DGKE: variants seen among roughly 807,000 people sequenced by gnomAD.
The protein encoded by DGKE is diacylglycerol kinase epsilon.
A neutral mutation model predicts 70.0 loss-of-function variants in DGKE; 53 were observed. That is an observed-to-expected ratio of 0.76 (90% confidence interval 0.61 to 0.95). The LOEUF is 0.95. Ranked by LOEUF, DGKE falls within the 40% of genes least tolerant of loss-of-function variation. The pLI is 0.00. For missense variants in DGKE, 655 were observed against 706.9 expected (o/e 0.93, Z 0.83); for synonymous variants, 291 against 257.0 (o/e 1.13, Z -1.27).
chr17:56,848,920 C>T (rs1907478634), intron 6 of DGKE, 67 bp downstream of exon 6: 5 of 1,595,874 alleles, frequency 3.1e-6, no homozygotes, highest in Non-Finnish European at 4.3e-6. Context: ...CAAGTGAAGA[C>T]TTGTGTAGAT....
At chr17:56,862,380 C>T (rs1908348677) in intron 11 of DGKE, 129 bp downstream of exon 11, 2 of 928,184 alleles carry the variant, frequency 2.2e-6, no homozygotes, top group African/African-American at 3.3e-5. Context: ...TCACTGTACA[C>T]TAGCGGCTAG....
Position 56,849,284 on chromosome 17 carries a change from T to TA in DGKE, c.1098+53dup, listed in dbSNP as rs752003535. On this transcript the variant is annotated intron_variant, in intron 7 of 11. Coordinates refer to ENST00000284061, the MANE Select transcript of DGKE (RefSeq NM_003647.3). ...GTGGTTTCAGCTTCATTGCACAAGA[T>TA]ACGGCACTCTGTGGTGGGATACAGA... is the stretch of plus-strand genomic sequence containing the variant. The TA allele has an allele frequency of 2.4e-5, 36 of 1,518,034 alleles. No homozygotes were observed. The Admixed American group carries it at 5.5e-4, about 23-fold the overall frequency. The allele number at this position is 1,518,034 out of a possible 1,614,324, so 94.0% of individuals were successfully genotyped here. A position where few individuals can be genotyped will look rare whatever the true frequency, so the allele number is the denominator to read the frequency against.
chr17:56,841,636 C>T (rs946675477), intron 2 of DGKE, among the ~76,000 whole-genome samples: 15 of 152,164 alleles, frequency 9.9e-5, no homozygotes, highest in African/African-American at 3.6e-4. Flanking sequence ...CACTTTCATG[C>T]ACTCGTAACA....
In DGKE at chr17:56,834,879, C is replaced by G. The variant is rs1433783652; in HGVS notation, c.84C>G (p.Cys28Trp). The change falls in exon 2 of 12, where the codon TGC becomes TGG. Residue 28 changes from cysteine (C) to tryptophan (W), a missense_variant. Coordinates refer to ENST00000284061, the MANE Select transcript of DGKE (RefSeq NM_003647.3). ...ADGHLILWTLCSVLLPVFITF... is the reference protein window; with the variant it reads ...ADGHLILWTLWSVLLPVFITF... ...GGCACCTGATCTTGTGGACGCTGTG[C>G]TCGGTCCTGCTGCCGGTGTTCATCA... 6.2e-7 allele frequency: 1 copy of G among 1,613,344 alleles called. No homozygotes were observed. Among genetic ancestry groups the G allele is most frequent in the African/African-American group, 1.3e-5 (1 of 74,938 alleles).
chr17:56,834,816 G>C lies in DGKE; in HGVS notation c.21G>C (p.Pro7=), dbSNP rs758731271. 4.4e-5 allele frequency: 71 copies of C among 1,604,288 alleles called. No homozygotes were observed. The highest frequency in any genetic ancestry group is 5.7e-5 in the Non-Finnish European group (67 of 1,176,078). The change falls in exon 2 of 12, where the codon CCG becomes CCC. Residue 7 remains proline, a synonymous_variant. Coordinates refer to ENST00000284061, the MANE Select transcript of DGKE (RefSeq NM_003647.3). MEAERR[P]APGSPSEGLF... ...AGAAGATGGAAGCGGAGAGGCGGCCGGCGCCGGGCTCGCCCTCCGAGGGCC... is the reference window on the plus strand; with the variant it reads ...AGAAGATGGAAGCGGAGAGGCGGCCCGCGCCGGGCTCGCCCTCCGAGGGCC...
intron 5 of DGKE, 25 bp from the exon 6 acceptor site, chr17:56,848,671 C>G: frequency 1.2e-6 from 2 of 1,605,336 alleles, no homozygotes; most frequent in Non-Finnish European, 1.7e-6. Context: ...AGAGAAAAAT[C>G]TAAAACATAT....
chr17:56,843,901 T>A (rs958295432), intron 2 of DGKE, 118 bp from the exon 3 acceptor site: 5 of 976,204 alleles, frequency 5.1e-6, no homozygotes, highest in Non-Finnish European at 7.1e-6. Flanking sequence ...ATTTGCCAAA[T>A]GTTATGGTAA....
intron 2 of DGKE, among the ~76,000 whole-genome samples, chr17:56,840,389 GTTT>G (rs1042113154): frequency 3.4e-4 from 51 of 151,464 alleles, no homozygotes; most frequent in African/African-American, 1.2e-3. Context: ...TGTTGTTGTT[GTTT>G]TTTGAGACAG....
In DGKE at chr17:56,862,225, C is replaced by G; in HGVS notation, c.1498C>G (p.Arg500Gly). ...QIQVKLANPFRIGQAHTVRLI... is the reference protein window; with the variant it reads ...QIQVKLANPFGIGQAHTVRLI... ...TCAAGTAAAACTGGCTAATCCTTTTCGAATAGGACAGGCACATACAGTGAG... is the reference window on the plus strand; with the variant it reads ...TCAAGTAAAACTGGCTAATCCTTTTGGAATAGGACAGGCACATACAGTGAG... The change falls in exon 11 of 12, where the codon CGA (arginine) becomes GGA (glycine). Residue 500 changes from arginine to glycine, a missense_variant. By Grantham distance (125) the Arg-to-Gly change is moderately radical. Transcript: ENST00000284061. 3 of 1,614,074 alleles carry G rather than the reference C, an allele frequency of 1.9e-6. No homozygotes were observed. The highest frequency in any genetic ancestry group is 1.3e-5 in the African/African-American group (1 of 75,042).
rs1457404667 is a variant in DGKE at position 56,848,659 on chromosome 17, T to A, written c.889-37T>A. On this transcript the variant is annotated intron_variant, in intron 5 of 11. Transcript: ENST00000284061. Reference sequence around the variant, plus strand: ...AAATATTATTACCCAGCAAATAGTCTGAGAGAAAAATCTAAAACATATCTT... The same window carrying A: ...AAATATTATTACCCAGCAAATAGTCAGAGAGAAAAATCTAAAACATATCTT... The A allele has an allele frequency of 5.6e-6, 9 of 1,600,354 alleles. No homozygotes were observed. Among genetic ancestry groups the A allele is most frequent in the Non-Finnish European group, 7.7e-6 (9 of 1,170,980 alleles).
At chr17:56,859,350 A>T (rs1484708964) in intron 9 of DGKE, among the ~76,000 whole-genome samples, 1 of 151,964 alleles carries the variant, frequency 6.6e-6, no homozygotes, top group Admixed American at 6.6e-5. Context: ...AAAATAATAA[A>T]AATGTATAAA....
At chr17:56,852,009 G>A (rs1171173339) in intron 7 of DGKE, among the ~76,000 whole-genome samples, 3 of 151,834 alleles carry the variant, frequency 2.0e-5, no homozygotes, top group East Asian at 3.9e-4. Context: ...TCAAGGCTGC[G>A]GTGAGCTATC....
chr17:56,837,432 T>C (rs1906700302), intron 2 of DGKE, among the ~76,000 whole-genome samples: 1 of 152,248 alleles, frequency 6.6e-6, no homozygotes, highest in South Asian at 2.1e-4. Context: ...AATCTTCTTT[T>C]CTTCATTAGT....
intron 2 of DGKE, among the ~76,000 whole-genome samples, chr17:56,840,982 G>A (rs1156729418): frequency 1.3e-5 from 2 of 151,932 alleles, no homozygotes; most frequent in African/African-American, 2.4e-5. Flanking sequence ...GGCCAGACTC[G>A]GTGGCTCACA....
intron 8 of DGKE, among the ~76,000 whole-genome samples, chr17:56,857,022 C>A (rs1907991647): frequency 6.6e-6 from 1 of 152,080 alleles, no homozygotes; most frequent in African/African-American, 2.4e-5. Flanking sequence ...CTCTTGAAAC[C>A]AGGAGGCAAA....
At chr17:56,859,878 A>G (rs761167174) in intron 9 of DGKE, among the ~76,000 whole-genome samples, 4 of 152,246 alleles carry the variant, frequency 2.6e-5, no homozygotes, top group Non-Finnish European at 5.9e-5. Context: ...AGCAGGGAGT[A>G]AGGAGACTGA....
At chr17:56,854,178 G>C (rs1907810857) in intron 7 of DGKE, among the ~76,000 whole-genome samples, 1 of 152,140 alleles carries the variant, frequency 6.6e-6, no homozygotes, top group Non-Finnish European at 1.5e-5. Flanking sequence ...AGAGTAGATG[G>C]AGAAAGGGGA....
In DGKE at chr17:56,849,191, C is replaced by T; in HGVS notation, c.1057C>T (p.Gln353Ter). 1 of 1,610,492 alleles carries T rather than the reference C, an allele frequency of 6.2e-7. No homozygotes were observed. The highest frequency in any genetic ancestry group is 8.5e-7 in the Non-Finnish European group (1 of 1,178,888). Residue 353 changes from glutamine to a stop codon, truncating the protein, a stop_gained, in exon 7 of 12, where the codon CAA becomes TAA. Transcript: ENST00000284061. LOFTEE classifies it high-confidence loss of function. ...ACTTCTGTTTTTTAGATGGAAAGTT[C>T]AAGTAACAAATAAAGGATACTACAA... Reference protein sequence around the residue: ...DGIKLDRWKVQVTNKGYYNLR... With the variant: ...DGIKLDRWKV
intron 9 of DGKE, among the ~76,000 whole-genome samples, chr17:56,859,078 CAG>C (rs1445780088): frequency 1.3e-5 from 2 of 151,364 alleles, no homozygotes; most frequent in Non-Finnish European, 2.9e-5. Context: ...CATAAAGACA[CAG>C]AGGAAGTTTA....
Sources: gnomAD v4.1 joint callset for allele counts (sites outside exome capture counted in the v4.1 genomes callset) on GRCh38, gnomAD v4.1.1 for gene constraint, MANE v1.5 for transcripts, NCBI Gene and HGNC (gene_info 2026-07-23, HGNC 2026-07-21) for gene names.